ALPI: variants seen among roughly 807,000 people sequenced by gnomAD.
ALPI encodes the protein alkaline phosphatase, intestinal.
ALPI carries 50 observed loss-of-function variants against 51.5 expected under a neutral mutation model. The ratio of observed to expected loss-of-function variants is 0.97; its 90% CI spans 0.77 to 1.23. ALPI has a LOEUF of 1.23. Among genes scored for constraint, ALPI ranks in the 50% most tolerant of loss-of-function variants. ALPI has a pLI of 0.00. For synonymous variants in ALPI, 322 were observed against 308.2 expected (o/e 1.04, Z -0.47); for missense variants, 692 against 722.4 (o/e 0.96, Z 0.48).
chr2:232,457,906 C>T lies in ALPI; in HGVS notation c.856+39C>T, dbSNP rs1398641336. The T allele has an allele frequency of 1.2e-6, 2 of 1,612,858 alleles. No individual in the cohort carries two copies. The highest frequency in any genetic ancestry group is 2.2e-5 in the South Asian group (2 of 90,918). The stretch of plus-strand genomic sequence containing the variant: ...TCCTGCCCTGGCATTCCTCAGACAA[C>T]CTCAGAGGGTGCCATCCGAGCCTGT... On this transcript the variant is annotated intron_variant, in intron 7 of 10. Transcript: ENST00000295463. The surrounding 1 kb of genome is among the most constrained non-coding windows in gnomAD (Gnocchi z 4.7).
chr2:232,458,800 G>T (rs754655247), intron 10 of ALPI, 52 bp downstream of exon 10: 4 of 1,610,644 alleles, frequency 2.5e-6, no homozygotes, highest in Non-Finnish European at 3.4e-6. Context: ...CAGGGATGGG[G>T]GCATTCGCGG....
At position 232,458,842 on chromosome 2, in the gene ALPI, C is replaced by T. The variant is rs1690251078; in HGVS notation, c.1301-18C>T. The T allele has an allele frequency of 3.1e-6, 5 of 1,609,492 alleles. No homozygotes were observed. The African/African-American group carries it at 5.3e-5, about 17-fold the overall frequency. On this transcript the variant is annotated intron_variant, in intron 10 of 10. Coordinates refer to ENST00000295463, the MANE Select transcript of ALPI (RefSeq NM_001631.5). ...GACGCCGCCTGCCTGCCCTGAAGTG[C>T]ACTCACCCTCCTACCAGGGAGCCCC...
Position 232,457,136 on chromosome 2 carries a change from T to C in ALPI, c.476-14T>C. The C allele has an allele frequency of 6.2e-7, 1 of 1,613,476 alleles. No individual in the cohort carries two copies. Among genetic ancestry groups the C allele is most frequent in the Non-Finnish European group, 8.5e-7 (1 of 1,180,008 alleles). ...AAGATCTCGGTCACCGATCCTGACC[T>C]CTGTCACCCTCAGGAAAGTCAGTAG... On this transcript the variant is annotated splice_polypyrimidine_tract_variant and intron_variant, in intron 4 of 10. Coordinates refer to ENST00000295463, the MANE Select transcript of ALPI (RefSeq NM_001631.5). The surrounding 1 kb of genome is among the most constrained non-coding windows in gnomAD (Gnocchi z 4.7).
Position 232,458,139 on chromosome 2 carries a change from G to T in ALPI, c.991+7G>T. The T allele has an allele frequency of 6.2e-7, 1 of 1,614,036 alleles. No homozygotes were observed. The highest frequency in any genetic ancestry group is 1.3e-5 in the African/African-American group (1 of 75,028). On this transcript the variant is annotated splice_region_variant and intron_variant, in intron 8 of 10. Transcript: ENST00000295463. Reference sequence around the variant, plus strand: ...TTCTACCTCTTTGTGGAGGGTGCGTGGTGGCCCCTGGGGAGTGGAGGAAGG... The same window carrying T: ...TTCTACCTCTTTGTGGAGGGTGCGTTGTGGCCCCTGGGGAGTGGAGGAAGG...
chr2:232,456,891 G>C lies in ALPI; in HGVS notation c.301-8G>C. ...CCGAAGTAGAGCTCAGGGTGTCTCC[G>C]TTCGCAGACATACAATGTGGACAGA... is the stretch of plus-strand genomic sequence containing the variant. On this transcript the variant is annotated splice_region_variant and splice_polypyrimidine_tract_variant and intron_variant, in intron 3 of 10. Transcript: ENST00000295463. This position sits in a 1 kb window ranked among gnomAD's most constrained non-coding sequence, Gnocchi z 4.2. The C allele has an allele frequency of 1.9e-6, 3 of 1,613,240 alleles. No homozygotes were observed. The highest frequency in any genetic ancestry group is 2.5e-6 in the Non-Finnish European group (3 of 1,179,960).
chr2:232,457,391 C>T lies in ALPI; in HGVS notation c.648+69C>T. ...GTGGCACAGGCTCAGATCCAGGCAA[C>T]CAAAAGCCTGATCTGGGTCAGCAGG... On this transcript the variant is annotated intron_variant, in intron 5 of 10. Coordinates refer to ENST00000295463, the MANE Select transcript of ALPI (RefSeq NM_001631.5). The surrounding 1 kb of genome is among the most constrained non-coding windows in gnomAD (Gnocchi z 4.7). 1.3e-6 allele frequency: 2 copies of T among 1,558,594 alleles called. No homozygotes were observed. Among genetic ancestry groups the T allele is most frequent in the Admixed American group, 3.7e-5 (2 of 54,388 alleles).
chr2:232,456,249 C>T lies in ALPI; in HGVS notation c.50C>T (p.Ser17Phe). The change falls in exon 1 of 11, where the codon TCC (serine) becomes TTC (phenylalanine). Residue 17 changes from serine (S) to phenylalanine (F), a missense_variant. Coordinates refer to ENST00000295463, the MANE Select transcript of ALPI (RefSeq NM_001631.5). The surrounding 1 kb of genome is among the most constrained non-coding windows in gnomAD (Gnocchi z 4.2). The part of the protein sequence containing the change: ...LLLLGLRLQL[S>F]LGVIPAEEEN... Reference sequence around the variant, plus strand: ...CTGCTGGGCCTGAGGCTACAGCTCTCCCTGGGCGTCATCCCAGGTAATGAG... The same window carrying T: ...CTGCTGGGCCTGAGGCTACAGCTCTTCCTGGGCGTCATCCCAGGTAATGAG... The T allele has an allele frequency of 6.2e-7, 1 of 1,614,030 alleles. No individual in the cohort carries two copies. Among genetic ancestry groups the T allele is most frequent in the South Asian group, 1.1e-5 (1 of 91,076 alleles).
In ALPI at chr2:232,457,368, G is replaced by A. The variant is rs1295158042; in HGVS notation, c.648+46G>A. ...GCTGGGGCTGGGCAGAGGGGAAGGT[G>A]GCACAGGCTCAGATCCAGGCAACCA... On this transcript the variant is annotated intron_variant, in intron 5 of 10. Transcript: ENST00000295463. This position sits in a 1 kb window ranked among gnomAD's most constrained non-coding sequence, Gnocchi z 4.7. 2.5e-6 allele frequency: 4 copies of A among 1,571,354 alleles called. No individual in the cohort carries two copies. In the Admixed American group the frequency reaches 5.3e-5, roughly 21 times the overall value.
rs1360556498 is a variant in ALPI, at chr2:232,457,913, G to A, written c.856+46G>A. The A allele has an allele frequency of 6.2e-7, 1 of 1,612,642 alleles. No individual in the cohort carries two copies. Among genetic ancestry groups the A allele is most frequent in the African/African-American group, 1.3e-5 (1 of 74,972 alleles). On this transcript the variant is annotated intron_variant, in intron 7 of 10. Coordinates refer to ENST00000295463, the MANE Select transcript of ALPI (RefSeq NM_001631.5). The surrounding 1 kb of genome is among the most constrained non-coding windows in gnomAD (Gnocchi z 4.7). ...CTGGCATTCCTCAGACAACCTCAGA[G>A]GGTGCCATCCGAGCCTGTGTGCCCA...
chr2:232,459,864 G>A lies in ALPI; in HGVS notation c.*718G>A, dbSNP rs1458981087. The A allele has an allele frequency of 6.6e-6, 1 of 152,320 alleles. No individual in the cohort carries two copies. The highest frequency in any genetic ancestry group is 6.5e-5 in the Admixed American group (1 of 15,280). The allele number at this position is 152,320 out of a possible 1,614,324, so 9.4% of individuals were successfully genotyped here. ...CCCATTCCAGGTCACCAGATCCAAGGAGCGCTTGAGGAGCTCTGGGTACAG... is the reference window on the plus strand; with the variant it reads ...CCCATTCCAGGTCACCAGATCCAAGAAGCGCTTGAGGAGCTCTGGGTACAG... On this transcript the variant is annotated 3_prime_UTR_variant, in exon 11 of 11. Transcript: ENST00000295463.
chr2:232,458,511 C>T, intron 9 of ALPI, 103 bp downstream of exon 9: 13 of 1,526,184 alleles, frequency 8.5e-6, no homozygotes, highest in Non-Finnish European at 1.1e-5. Context: ...TGGCACCAGC[C>T]CTATAGGGAT....
chr2:232,458,066 G>A lies in ALPI; in HGVS notation c.925G>A (p.Glu309Lys), dbSNP rs750508053. ...RDPTLDPSLM[E>K]MTEAALRLLS... The stretch of plus-strand genomic sequence containing the variant: ...CCCCACACTGGACCCCTCCCTGATG[G>A]AGATGACAGAGGCTGCCCTGCGCCT... Residue 309 changes from glutamate to lysine, a missense_variant, in exon 8 of 11, where the codon GAG becomes AAG. By Grantham distance (56) the Glu-to-Lys change is moderately conservative (BLOSUM62 1). Coordinates refer to ENST00000295463, the MANE Select transcript of ALPI (RefSeq NM_001631.5). 1.2e-5 allele frequency: 20 copies of A among 1,613,688 alleles called. 1 individual carries two copies. The highest frequency in any genetic ancestry group is 1.7e-5 in the Non-Finnish European group (20 of 1,179,948).
chr2:232,457,485 G>A lies in ALPI; in HGVS notation c.649-80G>A. On this transcript the variant is annotated intron_variant, in intron 5 of 10. Transcript: ENST00000295463. The surrounding 1 kb of genome is among the most constrained non-coding windows in gnomAD (Gnocchi z 4.7). ...GGGCCATTCCCACAGCCCTGGGGAG[G>A]GGAGCCAGGGGCTATGCATGAGGAG... The A allele has an allele frequency of 1.3e-6, 2 of 1,546,414 alleles. No individual in the cohort carries two copies. Among genetic ancestry groups the A allele is most frequent in the Non-Finnish European group, 1.7e-6 (2 of 1,147,796 alleles).
rs1248800440 is a variant in ALPI, at chr2:232,457,672, G to C, written c.756G>C (p.Leu252=). The C allele has an allele frequency of 1.2e-6, 2 of 1,613,608 alleles. No individual in the cohort carries two copies. The highest frequency in any genetic ancestry group is 1.7e-6 in the Non-Finnish European group (2 of 1,179,620). The change falls in exon 6 of 11, where the codon CTG becomes CTC. Residue 252 remains leucine (L), a synonymous_variant. Transcript: ENST00000295463. The surrounding 1 kb of genome is among the most constrained non-coding windows in gnomAD (Gnocchi z 4.7). Reference sequence around the variant, plus strand: ...GAATCAGGCTGGACGGGAAGAACCTGGTGCAGGAATGGCTGGCAAAGCACC... The same window carrying C: ...GAATCAGGCTGGACGGGAAGAACCTCGTGCAGGAATGGCTGGCAAAGCACC... The part of the protein sequence containing the change: ...QNGIRLDGKN[L]VQEWLAKHQG...
Position 232,457,627 on chromosome 2 carries a change from A to G in ALPI, c.711A>G (p.Pro237=). 6.2e-7 allele frequency: 1 copy of G among 1,614,088 alleles called. No homozygotes were observed. The change falls in exon 6 of 11, where the codon CCA becomes CCG. Residue 237 remains proline, a synonymous_variant. Transcript: ENST00000295463. This position sits in a 1 kb window ranked among gnomAD's most constrained non-coding sequence, Gnocchi z 4.7. ...TGGGGACCCCAGACCCTGAGTACCC[A>G]GCTGATGCCAGCCAGAATGGAATCA... ...FPMGTPDPEY[P]ADASQNGIRL...
In ALPI at chr2:232,456,864, C is replaced by T. The variant is rs370515857; in HGVS notation, c.301-35C>T. ...TCCTTGGTTGGGGTCTGGGTGTCCG[C>T]CCCGAAGTAGAGCTCAGGGTGTCTC... On this transcript the variant is annotated intron_variant, in intron 3 of 10. Coordinates refer to ENST00000295463, the MANE Select transcript of ALPI (RefSeq NM_001631.5). The surrounding 1 kb of genome is among the most constrained non-coding windows in gnomAD (Gnocchi z 4.2). The T allele has an allele frequency of 6.6e-5, 107 of 1,610,526 alleles. No individual in the cohort carries two copies. Among genetic ancestry groups the T allele is most frequent in the Non-Finnish European group, 8.7e-5 (102 of 1,178,468 alleles).
rs1405441990 is a variant in ALPI, at chr2:232,458,749, G to A, written c.1300+1G>A. 5.0e-6 allele frequency: 8 copies of A among 1,613,792 alleles called. No homozygotes were observed. Among genetic ancestry groups the A allele is most frequent in the Non-Finnish European group, 6.8e-6 (8 of 1,180,016 alleles). On this transcript the variant is annotated splice_donor_variant, in intron 10 of 10. Transcript: ENST00000295463. LOFTEE classifies it high-confidence loss of function. ...CCAGACGTGAATGAGAGCGAGAGCG[G>A]TGAGTGAGGCTGAATGGCCCGTGCA...
rs1368109052 is a variant in ALPI, at chr2:232,456,648, G to A, written c.253G>A (p.Glu85Lys). Reference sequence around the variant, plus strand: ...GCAGAAGAATGGCAAACTGGGGCCTGAGACGCCCCTGGCCATGGACCGCTT... The same window carrying A: ...GCAGAAGAATGGCAAACTGGGGCCTAAGACGCCCCTGGCCATGGACCGCTT... ...KGQKNGKLGP[E>K]TPLAMDRFPY... Residue 85 changes from glutamate (E) to lysine (K), a missense_variant, in exon 3 of 11, where the codon GAG (glutamate) becomes AAG (lysine). Coordinates refer to ENST00000295463, the MANE Select transcript of ALPI (RefSeq NM_001631.5). The surrounding 1 kb of genome is among the most constrained non-coding windows in gnomAD (Gnocchi z 4.2). 1 of 1,612,378 alleles carries A rather than the reference G, an allele frequency of 6.2e-7. No homozygotes were observed. Among genetic ancestry groups the A allele is most frequent in the Non-Finnish European group, 8.5e-7 (1 of 1,179,308 alleles).
At position 232,456,354 on chromosome 2, in the gene ALPI, G is replaced by A; in HGVS notation, c.73G>A (p.Glu25Lys). Reference protein sequence around the residue: ...QLSLGVIPAEEENPAFWNRQA... With the variant: ...QLSLGVIPAEKENPAFWNRQA... ...TCTACTCTCCCCCTGGCCAGCTGAG[G>A]AGGAGAACCCGGCCTTCTGGAACCG... is the stretch of plus-strand genomic sequence containing the variant. The change falls in exon 2 of 11, where the codon GAG becomes AAG. Residue 25 changes from glutamate to lysine, a missense_variant. Physicochemically the swap from Glu to Lys is moderately conservative, Grantham distance 56. Transcript: ENST00000295463. The surrounding 1 kb of genome is among the most constrained non-coding windows in gnomAD (Gnocchi z 4.2). The A allele has an allele frequency of 6.2e-7, 1 of 1,614,088 alleles. No homozygotes were observed. Among genetic ancestry groups the A allele is most frequent in the Non-Finnish European group, 8.5e-7 (1 of 1,180,008 alleles).
Sources: allele counts gnomAD v4.1 joint callset, GRCh38; gene constraint gnomAD v4.1.1; non-coding constraint Gnocchi (gnomAD v3.1); transcripts MANE v1.5; gene names NCBI Gene and HGNC (gene_info 2026-07-23, HGNC 2026-07-21).